The following CEP83 variants were observed in gnomAD, a reference collection of about 807,000 sequenced individuals.
CEP83 encodes the protein centrosomal protein of 83 kDa.
In CEP83, 70 loss-of-function variants were observed where a neutral mutation model predicts 101.9. The ratio of observed to expected loss-of-function variants is 0.69; its 90% CI spans 0.57 to 0.84. The LOEUF (loss-of-function observed/expected upper bound fraction) is 0.84, where lower values mean the gene tolerates loss of function less well. Ranked by LOEUF, CEP83 falls within the 40% of genes least tolerant of loss-of-function variation. The probability of loss-of-function intolerance (pLI) is 0.00; values close to 1 mark genes in which losing one functional copy is unlikely to be tolerated. For missense variants in CEP83, 715 were observed against 787.2 expected (o/e 0.91, Z 1.10); for synonymous variants, 264 against 267.9 (o/e 0.99, Z 0.14).
rs181222025 is a variant in CEP83, at chr12:94,308,973, T to A, written c.2002-56A>T. The A allele has an allele frequency of 1.9e-4, 238 of 1,247,208 alleles. No individual in the cohort carries two copies. In the East Asian group the frequency reaches 4.9e-3, roughly 26 times the overall value. 77.3% of individuals were successfully genotyped at this position (1,247,208 alleles called of 1,614,324 possible). A position where few individuals can be genotyped will look rare whatever the true frequency, so the allele number is the denominator to read the frequency against. On this transcript the variant is annotated intron_variant, in intron 16 of 16. Transcript: ENST00000397809. ...AGAAACTATTAGAAAAACTGTTAGG[T>A]AGCAACCTTGGACTGCCTCTTTTAT...
At chr12:94,359,329 T>C (rs962299972) in intron 11 of CEP83, among the ~76,000 whole-genome samples, 6 of 152,036 alleles carry the variant, frequency 3.9e-5, no homozygotes, top group Non-Finnish European at 8.8e-5. Flanking sequence ...TAAAAAACTA[T>C]AAAATATCAA....
intron 6 of CEP83, among the ~76,000 whole-genome samples, chr12:94,388,908 C>T (rs1212673660): frequency 2.0e-5 from 3 of 152,150 alleles, no homozygotes; most frequent in Non-Finnish European, 4.4e-5. Flanking sequence ...AGGTAGATCA[C>T]TTGAGGTCAG....
chr12:94,335,759 C>T (rs2059420946), intron 11 of CEP83, 95 bp from the exon 12 acceptor site: 1 of 758,572 alleles, frequency 1.3e-6, no homozygotes, highest in African/African-American at 1.8e-5. Context: ...GCCTGTTTGA[C>T]ACCAGAGCAC....
At chr12:94,398,479 C>T (rs1039780340) in intron 6 of CEP83, among the ~76,000 whole-genome samples, 1 of 152,224 alleles carries the variant, frequency 6.6e-6, no homozygotes, top group African/African-American at 2.4e-5. Context: ...ATTTCTTATG[C>T]CTGTCTTACT....
chr12:94,448,381 A>G (rs1279371759), intron 1 of CEP83, among the ~76,000 whole-genome samples: 1 of 152,316 alleles, frequency 6.6e-6, no homozygotes, highest in Middle Eastern at 3.4e-3. Flanking sequence ...GACTGATAGA[A>G]AAAGACAGAA....
intron 11 of CEP83, among the ~76,000 whole-genome samples, chr12:94,360,799 C>T (rs2060715809): frequency 6.6e-6 from 1 of 151,968 alleles, no homozygotes; most frequent in Non-Finnish European, 1.5e-5. Flanking sequence ...TCAAAGCAAT[C>T]CTGTGTAAAA....
chr12:94,423,314 C>T (rs1240131347), intron 2 of CEP83, among the ~76,000 whole-genome samples: 1 of 152,164 alleles, frequency 6.6e-6, no homozygotes, highest in Non-Finnish European at 1.5e-5. Context: ...GAATTCCCGA[C>T]ATCAAGTGAT....
chr12:94,376,825 C>A (rs1216751072), intron 7 of CEP83, among the ~76,000 whole-genome samples: 1 of 151,754 alleles, frequency 6.6e-6, no homozygotes, highest in Non-Finnish European at 1.5e-5. Context: ...CCACAACCTC[C>A]GCCTCCCAAG....
intron 2 of CEP83, among the ~76,000 whole-genome samples, chr12:94,418,188 C>T (rs2064434720): frequency 6.6e-6 from 1 of 152,006 alleles, no homozygotes; most frequent in Non-Finnish European, 1.5e-5. Context: ...ATGGTGAAAC[C>T]CTGTCTCTAC....
chr12:94,333,764 A>G (rs2059338501), intron 12 of CEP83, 125 bp from the exon 13 acceptor site: 1 of 802,620 alleles, frequency 1.2e-6, no homozygotes, highest in Non-Finnish European at 2.0e-6. Context: ...GTCCTTGGAG[A>G]TGACCCCTAA....
At chr12:94,413,751 TC>T (rs887115945) in intron 2 of CEP83, among the ~76,000 whole-genome samples, 6 of 151,724 alleles carry the variant, frequency 4.0e-5, no homozygotes, top group African/African-American at 1.5e-4. Flanking sequence ...TTCAAAGTGT[TC>T]TTATAACTAA....
At chr12:94,351,316 T>A (rs1396090131) in intron 11 of CEP83, among the ~76,000 whole-genome samples, 1 of 152,122 alleles carries the variant, frequency 6.6e-6, no homozygotes, top group Non-Finnish European at 1.5e-5. Context: ...GGAGTCCACA[T>A]GGTTACATTG....
intron 14 of CEP83, chr12:94,328,310 T>C: frequency 3.0e-6 from 1 of 329,508 alleles, no homozygotes; most frequent in East Asian, 1.1e-4. Flanking sequence ...CTGTTCAAGC[T>C]TTTCCAAACA....
intron 6 of CEP83, among the ~76,000 whole-genome samples, chr12:94,392,485 C>A (rs1304538235): frequency 6.6e-6 from 1 of 152,154 alleles, no homozygotes. Flanking sequence ...GACACATTTA[C>A]AGCAGTGTGT....
intron 11 of CEP83, among the ~76,000 whole-genome samples, chr12:94,356,169 T>C (rs768528398): frequency 2.0e-4 from 30 of 152,170 alleles, no homozygotes; most frequent in Admixed American, 3.3e-4. Context: ...CCGAGTACTC[T>C]TAAAGCAATC....
chr12:94,298,791 A>C, the CEP83 span: 3 of 1,610,492 alleles, frequency 1.9e-6, no homozygotes, highest in Non-Finnish European at 1.7e-6. Flanking sequence ...TTGGAAAACA[A>C]ACAGGTGGGA....
At chr12:94,317,380 G>C (rs1300856182) in intron 14 of CEP83, among the ~76,000 whole-genome samples, 1 of 152,120 alleles carries the variant, frequency 6.6e-6, no homozygotes, top group East Asian at 1.9e-4. Flanking sequence ...CTACTCTGTT[G>C]ACAGTTTCTT....
intron 14 of CEP83, among the ~76,000 whole-genome samples, chr12:94,324,513 T>G (rs1173632349): frequency 6.6e-6 from 1 of 152,222 alleles, no homozygotes. Flanking sequence ...CATTTGTGGC[T>G]CTAATCTCAT....
intron 11 of CEP83, among the ~76,000 whole-genome samples, chr12:94,359,271 G>A (rs777029906): frequency 9.9e-5 from 15 of 152,108 alleles, no homozygotes; most frequent in Non-Finnish European, 1.6e-4. Context: ...CTCTAGTGCC[G>A]CTGGGTTAGG....
Sources: allele counts gnomAD v4.1 joint callset (sites outside exome capture counted in the v4.1 genomes callset), GRCh38; gene constraint gnomAD v4.1.1; transcripts MANE v1.5; gene names NCBI Gene and HGNC (gene_info 2026-07-23, HGNC 2026-07-21).